The following IKZF2 variants were observed in gnomAD, a reference collection of about 807,000 sequenced individuals.
The protein encoded by IKZF2 is IKAROS family zinc finger 2.
In IKZF2, 15 loss-of-function variants were observed where a neutral mutation model predicts 49.2. The observed-to-expected ratio is 0.30, with a 90% CI of 0.20 to 0.47. The LOEUF is 0.47. Ranked by LOEUF, IKZF2 falls within the 20% of genes least tolerant of loss-of-function variation. The probability of loss-of-function intolerance (pLI) is 1.00; values close to 1 mark genes in which losing one functional copy is unlikely to be tolerated. For missense variants in IKZF2, 567 were observed against 664.6 expected (o/e 0.85, Z 1.61); for synonymous variants, 227 against 221.4 (o/e 1.03, Z -0.23).
Position 213,148,634 on chromosome 2 carries a change from A to G in IKZF2, c.-5T>C. ...ATCAATAGCCTCTGTTTCCATAGTCAAAGTGCAATGCTGCAAAACAAAAGA... is the reference window on the plus strand; with the variant it reads ...ATCAATAGCCTCTGTTTCCATAGTCGAAGTGCAATGCTGCAAAACAAAAGA... On this transcript the variant is annotated 5_prime_UTR_variant, in exon 3 of 9. Transcript: ENST00000434687. The G allele has an allele frequency of 6.2e-7, 1 of 1,611,360 alleles. No individual in the cohort carries two copies. Among genetic ancestry groups the G allele is most frequent in the Non-Finnish European group, 8.5e-7 (1 of 1,177,606 alleles).
intron 4 of IKZF2, among the ~76,000 whole-genome samples, chr2:213,140,312 C>CATG (rs1189253136): frequency 6.6e-6 from 1 of 151,770 alleles, no homozygotes; most frequent in Non-Finnish European, 1.5e-5. Context: ...GTAACCTCAT[C>CATG]CCAAGGGGTA....
At chr2:213,129,333 C>G (rs1409292530) in intron 4 of IKZF2, among the ~76,000 whole-genome samples, 1 of 146,452 alleles carries the variant, frequency 6.8e-6, no homozygotes, top group Non-Finnish European at 1.5e-5. Context: ...CTAGGATGCT[C>G]AGGCAAAGCC....
intron 4 of IKZF2, among the ~76,000 whole-genome samples, chr2:213,087,108 G>A (rs1370408682): frequency 6.6e-6 from 1 of 152,040 alleles, no homozygotes; most frequent in Non-Finnish European, 1.5e-5. Context: ...CAAAAGGTAG[G>A]GGAAGTCAAA....
chr2:213,141,453 C>T (rs778820430), intron 4 of IKZF2, among the ~76,000 whole-genome samples: 7 of 151,966 alleles, frequency 4.6e-5, no homozygotes, highest in South Asian at 2.1e-4. Flanking sequence ...CCTTGATTAA[C>T]TCTCCAAAGT....
intron 4 of IKZF2, among the ~76,000 whole-genome samples, chr2:213,089,475 C>A (rs561955490): frequency 3.9e-5 from 6 of 152,296 alleles, no homozygotes; most frequent in Admixed American, 3.9e-4. Context: ...TCACCCCATA[C>A]AGATCTCTCC....
chr2:213,041,582 G>A (rs1311478650), intron 6 of IKZF2, among the ~76,000 whole-genome samples: 2 of 152,108 alleles, frequency 1.3e-5, no homozygotes, highest in Non-Finnish European at 2.9e-5. Context: ...GATTACAGGT[G>A]TGAGCCACCG....
intron 6 of IKZF2, among the ~76,000 whole-genome samples, chr2:213,031,649 G>A (rs1235814831): frequency 6.6e-6 from 1 of 152,234 alleles, no homozygotes; most frequent in Non-Finnish European, 1.5e-5. Context: ...AAAATGGGAC[G>A]AAGCAAAATA....
At chr2:213,126,842 T>C (rs1458497677) in intron 4 of IKZF2, among the ~76,000 whole-genome samples, 1 of 152,148 alleles carries the variant, frequency 6.6e-6, no homozygotes, top group Non-Finnish European at 1.5e-5. Context: ...TAACAGTGAA[T>C]AGGAACTACA....
chr2:213,104,493 A>C (rs1022152559), intron 4 of IKZF2, among the ~76,000 whole-genome samples: 47 of 152,250 alleles, frequency 3.1e-4, no homozygotes, highest in African/African-American at 1.1e-3. Context: ...TCAACCTTGC[A>C]ATCTTGTTTT....
chr2:213,148,689 G>T, intron 2 of IKZF2, 45 bp from the exon 3 acceptor site: 2 of 1,471,656 alleles, frequency 1.4e-6, no homozygotes, highest in Non-Finnish European at 9.5e-7. Context: ...ATTCCTTTCA[G>T]TATCTGCCAT....
intron 4 of IKZF2, among the ~76,000 whole-genome samples, chr2:213,090,534 TG>T (rs1408153522): frequency 1.3e-5 from 2 of 152,152 alleles, no homozygotes; most frequent in African/African-American, 4.8e-5. Context: ...TACAATAAAA[TG>T]GTTTTATATC....
At chr2:213,039,209 A>T (rs1191439693) in intron 6 of IKZF2, among the ~76,000 whole-genome samples, 1 of 152,146 alleles carries the variant, frequency 6.6e-6, no homozygotes, top group Non-Finnish European at 1.5e-5. Flanking sequence ...GGCATAACTG[A>T]ACAAAATATA....
chr2:213,076,033 C>G (rs959249291), intron 4 of IKZF2, among the ~76,000 whole-genome samples: 1 of 152,094 alleles, frequency 6.6e-6, no homozygotes, highest in Non-Finnish European at 1.5e-5. Context: ...CACAGACACA[C>G]TAATGACTAT....
intron 5 of IKZF2, among the ~76,000 whole-genome samples, chr2:213,051,243 G>T (rs1025154962): frequency 1.3e-5 from 2 of 151,836 alleles, no homozygotes; most frequent in Non-Finnish European, 2.9e-5. Flanking sequence ...CTATCATATA[G>T]ATTTGTTATA....
At chr2:213,044,816 T>C (rs1367813982) in intron 6 of IKZF2, among the ~76,000 whole-genome samples, 1 of 152,158 alleles carries the variant, frequency 6.6e-6, no homozygotes, top group Admixed American at 6.5e-5. Context: ...CAGAATCTGA[T>C]TTGAAGGGTT....
intron 6 of IKZF2, among the ~76,000 whole-genome samples, chr2:213,034,485 T>C (rs1228589804): frequency 1.3e-5 from 2 of 152,212 alleles, no homozygotes; most frequent in South Asian, 2.1e-4. Flanking sequence ...GAGGCCATTG[T>C]ACAGTTATTA....
intron 4 of IKZF2, among the ~76,000 whole-genome samples, chr2:213,140,718 A>AAG (rs2125945640): frequency 6.6e-6 from 1 of 152,126 alleles, no homozygotes; most frequent in South Asian, 2.1e-4. Flanking sequence ...TGAGACCAGT[A>AAG]TAAAGGATTC....
At chr2:213,020,628 T>G (rs1697107070) in intron 7 of IKZF2, among the ~76,000 whole-genome samples, 1 of 152,142 alleles carries the variant, frequency 6.6e-6, no homozygotes. Context: ...TGATCACAAA[T>G]CAATAGAATT....
chr2:213,080,556 T>A (rs6718004), intron 4 of IKZF2, among the ~76,000 whole-genome samples: 67,025 of 152,000 alleles, frequency 0.44, 16,062 homozygotes, highest in African/African-American at 0.59. Flanking sequence ...AATGTATGAC[T>A]GTAAGAGACA....
Sources: allele counts gnomAD v4.1 joint callset (sites outside exome capture counted in the v4.1 genomes callset), GRCh38; gene constraint gnomAD v4.1.1; transcripts MANE v1.5; gene names NCBI Gene and HGNC (gene_info 2026-07-23, HGNC 2026-07-21).